LHFPL3: variants seen among roughly 807,000 people sequenced by gnomAD.
LHFPL3 encodes LHFPL tetraspan subfamily member 3, also known as LHFPL tetraspan subfamily member 3 protein.
LHFPL3 carries 5 observed loss-of-function variants against 19.3 expected under a neutral mutation model. The observed-to-expected ratio is 0.26, with a 90% CI of 0.14 to 0.54. LHFPL3 has a LOEUF of 0.54. Among genes scored for constraint, LHFPL3 ranks in the 20% least tolerant of loss-of-function variants. LHFPL3 has a pLI of 0.94. For missense variants in LHFPL3, 249 were observed against 307.4 expected (o/e 0.81, Z 1.42); for synonymous variants, 133 against 126.2 (o/e 1.05, Z -0.36).
At chr7:104,473,318 T>G (rs1406607635) in intron 1 of LHFPL3, among the ~76,000 whole-genome samples, 1 of 152,240 alleles carries the variant, frequency 6.6e-6, no homozygotes, top group Non-Finnish European at 1.5e-5. Context: ...CACACAGATT[T>G]CTCCAAGTTT....
At chr7:104,872,102 G>T (rs1791847953) in intron 2 of LHFPL3, among the ~76,000 whole-genome samples, 1 of 151,242 alleles carries the variant, frequency 6.6e-6, no homozygotes, top group South Asian at 2.1e-4. Context: ...ACTTTGGGAG[G>T]CCAAGCCGGG....
chr7:104,649,428 G>A (rs1237462455), intron 1 of LHFPL3, among the ~76,000 whole-genome samples: 4 of 152,086 alleles, frequency 2.6e-5, no homozygotes, highest in Non-Finnish European at 5.9e-5. Flanking sequence ...AGGGTCTTCT[G>A]GTAAAGGTAT....
At chr7:104,896,442 C>G (rs796929788) in intron 2 of LHFPL3, among the ~76,000 whole-genome samples, 11 of 152,252 alleles carry the variant, frequency 7.2e-5, no homozygotes, top group African/African-American at 2.4e-4. Context: ...AGCTCACTGT[C>G]CAAAAGGTGA....
chr7:104,740,966 G>T (rs1223117691), intron 2 of LHFPL3, among the ~76,000 whole-genome samples: 1 of 151,916 alleles, frequency 6.6e-6, no homozygotes. Flanking sequence ...AAATATGTAA[G>T]GGAAGGGAAA....
intron 1 of LHFPL3, among the ~76,000 whole-genome samples, chr7:104,421,721 G>A (rs1368438951): frequency 6.6e-6 from 1 of 152,144 alleles, no homozygotes; most frequent in Non-Finnish European, 1.5e-5. Context: ...AAGATATGGA[G>A]GAAGAAGAAA....
chr7:104,836,543 C>T (rs1791098933), intron 2 of LHFPL3, among the ~76,000 whole-genome samples: 1 of 152,120 alleles, frequency 6.6e-6, no homozygotes, highest in African/African-American at 2.4e-5. Context: ...CATTTGTGCT[C>T]TTAGGAAGTA....
chr7:104,794,738 G>A (rs1487861837), intron 2 of LHFPL3, among the ~76,000 whole-genome samples: 1 of 152,168 alleles, frequency 6.6e-6, no homozygotes, highest in Non-Finnish European at 1.5e-5. Flanking sequence ...TGACTGATTG[G>A]CAGTTAGAAA....
intron 1 of LHFPL3, among the ~76,000 whole-genome samples, chr7:104,586,504 A>C (rs1250036843): frequency 6.6e-6 from 1 of 152,174 alleles, no homozygotes; most frequent in East Asian, 1.9e-4. Context: ...AAGCATTACA[A>C]CATAGGAAGC....
intron 2 of LHFPL3, among the ~76,000 whole-genome samples, chr7:104,855,116 T>A (rs527436701): frequency 3.9e-5 from 6 of 152,326 alleles, no homozygotes. Context: ...AAATTGGTTC[T>A]CATTAATAAT....
intron 2 of LHFPL3, among the ~76,000 whole-genome samples, chr7:104,870,157 G>C (rs1288443767): frequency 1.3e-5 from 2 of 152,002 alleles, no homozygotes; most frequent in African/African-American, 4.8e-5. Flanking sequence ...CGAGTTACTG[G>C]GTGCAGCACA....
chr7:104,664,462 C>A (rs771840361), intron 1 of LHFPL3, among the ~76,000 whole-genome samples: 1 of 152,200 alleles, frequency 6.6e-6, no homozygotes, highest in African/African-American at 2.4e-5. Flanking sequence ...TGGTCAGGTA[C>A]CTTTCCTCAG....
At chr7:104,555,466 G>C (rs1037074490) in intron 1 of LHFPL3, among the ~76,000 whole-genome samples, 1 of 152,204 alleles carries the variant, frequency 6.6e-6, no homozygotes, top group Non-Finnish European at 1.5e-5. Context: ...CAGGCAAAGA[G>C]AGAGACTGTG....
intron 1 of LHFPL3, among the ~76,000 whole-genome samples, chr7:104,406,863 T>A (rs1365758700): frequency 6.6e-6 from 1 of 152,240 alleles, no homozygotes; most frequent in Non-Finnish European, 1.5e-5. Context: ...TTAGGGGACA[T>A]TCCAGGGTAG....
chr7:104,749,430 A>G (rs1212442892), intron 2 of LHFPL3, among the ~76,000 whole-genome samples: 1 of 152,208 alleles, frequency 6.6e-6, no homozygotes, highest in African/African-American at 2.4e-5. Flanking sequence ...CCCTGAGGTA[A>G]CACTTTCCAC....
chr7:104,374,043 G>A (rs76609554), intron 1 of LHFPL3, among the ~76,000 whole-genome samples: 3 of 152,246 alleles, frequency 2.0e-5, no homozygotes, highest in African/African-American at 7.2e-5. Flanking sequence ...CCCGTCTGAT[G>A]AGGATTTATA....
chr7:104,706,618 C>T (rs992711428), intron 1 of LHFPL3, among the ~76,000 whole-genome samples: 7 of 152,230 alleles, frequency 4.6e-5, no homozygotes, highest in African/African-American at 7.2e-5. Context: ...ACCCTCTCCC[C>T]TAAGTATCAG....
intron 1 of LHFPL3, among the ~76,000 whole-genome samples, chr7:104,714,287 C>G (rs1447499591): frequency 6.6e-6 from 1 of 152,058 alleles, no homozygotes; most frequent in Non-Finnish European, 1.5e-5. Context: ...CTTTCTTGAT[C>G]TAAAGCCCAG....
chr7:104,375,881 GT>G (rs1213091297), intron 1 of LHFPL3, among the ~76,000 whole-genome samples: 1 of 152,142 alleles, frequency 6.6e-6, no homozygotes, highest in Non-Finnish European at 1.5e-5. Flanking sequence ...ATATGAAACG[GT>G]TTTGCATTAA....
chr7:104,664,029 A>G (rs1257434110), intron 1 of LHFPL3, among the ~76,000 whole-genome samples: 2 of 152,204 alleles, frequency 1.3e-5, no homozygotes, highest in African/African-American at 4.8e-5. Flanking sequence ...TTGACTTGCT[A>G]TTTATTACAA....
Sources: allele counts gnomAD v4.1 joint callset (sites outside exome capture counted in the v4.1 genomes callset), GRCh38; gene constraint gnomAD v4.1.1; transcripts MANE v1.5; gene names NCBI Gene and HGNC (gene_info 2026-07-23, HGNC 2026-07-21).